The following TYR variants were observed in gnomAD, a reference collection of about 807,000 sequenced individuals.
TYR encodes the protein LB24-AB.
TYR carries 58 observed loss-of-function variants against 51.5 expected under a neutral mutation model. The ratio of observed to expected loss-of-function variants is 1.13; its 90% CI spans 0.91 to 1.40. The LOEUF is 1.40. Ranked by LOEUF, TYR falls within the 40% of genes most tolerant of loss-of-function variation. The pLI is 0.00. For synonymous variants in TYR, 263 were observed against 235.2 expected (o/e 1.12, Z -1.08); for missense variants, 732 against 647.4 (o/e 1.13, Z -1.42).
At chr11:89,272,644 C>A (rs1944602624) in intron 3 of TYR, among the ~76,000 whole-genome samples, 1 of 151,820 alleles carries the variant, frequency 6.6e-6, no homozygotes, top group Non-Finnish European at 1.5e-5. Flanking sequence ...AGCTTTAAAG[C>A]CAGGCATTGA....
intron 2 of TYR, among the ~76,000 whole-genome samples, chr11:89,223,887 C>T (rs1356909486): frequency 6.7e-6 from 1 of 149,418 alleles, no homozygotes; most frequent in African/African-American, 2.5e-5. Context: ...CCGACAAATT[C>T]CTTGTGCTTT....
At chr11:89,197,731 CGGTG>C (rs1485418519) in intron 2 of TYR, among the ~76,000 whole-genome samples, 3 of 151,790 alleles carry the variant, frequency 2.0e-5, no homozygotes, top group African/African-American at 7.3e-5. Flanking sequence ...CAGAAGCTCT[CGGTG>C]ACTGACTGTA....
chr11:89,237,542 T>C (rs1450584131), intron 3 of TYR, among the ~76,000 whole-genome samples: 1 of 152,178 alleles, frequency 6.6e-6, no homozygotes, highest in Non-Finnish European at 1.5e-5. Flanking sequence ...TCTTTTCCAT[T>C]GGTCAATATG....
chr11:89,266,732 G>A (rs1425276250), intron 3 of TYR, among the ~76,000 whole-genome samples: 1 of 151,904 alleles, frequency 6.6e-6, no homozygotes, highest in Non-Finnish European at 1.5e-5. Flanking sequence ...TATTGTTTTA[G>A]TCTATAAGCA....
chr11:89,185,572 T>C (rs1943360536), intron 1 of TYR, among the ~76,000 whole-genome samples: 1 of 152,116 alleles, frequency 6.6e-6, no homozygotes, highest in African/African-American at 2.4e-5. Context: ...GACGTAACAA[T>C]CATTGTTTAT....
At chr11:89,235,911 A>T (rs76979091) in intron 3 of TYR, among the ~76,000 whole-genome samples, 3,135 of 152,206 alleles carry the variant, frequency 0.021, 101 homozygotes, top group African/African-American at 0.07. Flanking sequence ...CACAATATAT[A>T]CATATATCAG....
chr11:89,243,567 A>G (rs1944227501), intron 3 of TYR, among the ~76,000 whole-genome samples: 1 of 152,196 alleles, frequency 6.6e-6, no homozygotes, highest in African/African-American at 2.4e-5. Flanking sequence ...ACCTAGCAAG[A>G]TCTTGAATTA....
chr11:89,195,290 T>G (rs1191712976), intron 2 of TYR, among the ~76,000 whole-genome samples: 2 of 152,240 alleles, frequency 1.3e-5, no homozygotes, highest in African/African-American at 4.8e-5. Flanking sequence ...GGAACTGTTT[T>G]ATTTTTGTCT....
chr11:89,264,959 T>C (rs1944508722), intron 3 of TYR, among the ~76,000 whole-genome samples: 1 of 152,080 alleles, frequency 6.6e-6, no homozygotes, highest in African/African-American at 2.4e-5. Context: ...CAGTAAATGA[T>C]ATCTAAGTAT....
chr11:89,279,448 G>C (rs1281972224), intron 3 of TYR, among the ~76,000 whole-genome samples: 1 of 151,594 alleles, frequency 6.6e-6, no homozygotes, highest in Non-Finnish European at 1.5e-5. Context: ...TTACTGGGTT[G>C]TTTCTCTCAG....
chr11:89,213,259 G>A (rs1943786284), intron 2 of TYR, among the ~76,000 whole-genome samples: 1 of 152,114 alleles, frequency 6.6e-6, no homozygotes, highest in African/African-American at 2.4e-5. Flanking sequence ...CAAAATCAAT[G>A]TGCAAAAATC....
chr11:89,282,885 G>T (rs1565422995), intron 3 of TYR, among the ~76,000 whole-genome samples: 1 of 151,794 alleles, frequency 6.6e-6, no homozygotes, highest in Non-Finnish European at 1.5e-5. Flanking sequence ...TACTTAGGAG[G>T]GGGAAGAAGA....
intron 2 of TYR, among the ~76,000 whole-genome samples, chr11:89,208,561 T>C (rs956672870): frequency 8.5e-5 from 13 of 152,208 alleles, no homozygotes; most frequent in African/African-American, 2.4e-5. Context: ...AAACAGCTAT[T>C]ATCACTTTGT....
intron 3 of TYR, among the ~76,000 whole-genome samples, chr11:89,255,784 T>A (rs187585944): frequency 6.6e-6 from 1 of 151,754 alleles, no homozygotes; most frequent in African/African-American, 2.4e-5. Context: ...GTAATTTCTA[T>A]CTCTTCTAAT....
intron 1 of TYR, among the ~76,000 whole-genome samples, chr11:89,189,873 T>G (rs1225202606): frequency 6.6e-6 from 1 of 152,100 alleles, no homozygotes; most frequent in Non-Finnish European, 1.5e-5. Flanking sequence ...TACAGTAGTA[T>G]GCCACACAAT....
chr11:89,251,971 T>A (rs1233676753), intron 3 of TYR, among the ~76,000 whole-genome samples: 1 of 151,854 alleles, frequency 6.6e-6, no homozygotes, highest in Non-Finnish European at 1.5e-5. Context: ...GTAGTGTCAC[T>A]CTTAAGTTGC....
chr11:89,246,702 C>A (rs918603154), intron 3 of TYR, among the ~76,000 whole-genome samples: 1 of 152,096 alleles, frequency 6.6e-6, no homozygotes, highest in Admixed American at 6.6e-5. Flanking sequence ...CCCCAAGCCT[C>A]CCCTTGGCCA....
chr11:89,188,156 C>T (rs1194710046), intron 1 of TYR, among the ~76,000 whole-genome samples: 1 of 151,330 alleles, frequency 6.6e-6, no homozygotes, highest in African/African-American at 2.4e-5. Context: ...AGGTAAGTTA[C>T]ATAAAGTACT....
chr11:89,262,614 A>G (rs1322422925), intron 3 of TYR, among the ~76,000 whole-genome samples: 2 of 150,246 alleles, frequency 1.3e-5, no homozygotes, highest in Non-Finnish European at 3.0e-5. Flanking sequence ...CCAAGAAAAA[A>G]AAAAAAAGAA....
Sources: gnomAD v4.1 joint callset for allele counts (sites outside exome capture counted in the v4.1 genomes callset) on GRCh38, gnomAD v4.1.1 for gene constraint, MANE v1.5 for transcripts, NCBI Gene and HGNC (gene_info 2026-07-23, HGNC 2026-07-21) for gene names.